The following ZNF804A variants were observed in gnomAD, a reference collection of about 807,000 sequenced individuals.
The protein encoded by ZNF804A is zinc finger protein 804A.
Under a neutral mutation model 16.5 loss-of-function variants are expected in ZNF804A, and 2 were observed. The ratio of observed to expected loss-of-function variants is 0.12; its 90% CI spans 0.05 to 0.38. The LOEUF is 0.38. Ranked by LOEUF, ZNF804A falls within the 10% of genes least tolerant of loss-of-function variation. The probability of loss-of-function intolerance (pLI) is 0.99; values close to 1 mark genes in which losing one functional copy is unlikely to be tolerated. For missense variants in ZNF804A, 1,473 were observed against 1,390.7 expected, an observed-to-expected ratio of 1.06 and a Z score of -0.94; for synonymous variants, 534 against 489.6, an observed-to-expected ratio of 1.09 and a Z score of -1.20.
intron 2 of ZNF804A, among the ~76,000 whole-genome samples, chr2:184,904,185 G>T (rs1685233035): frequency 6.6e-6 from 1 of 151,792 alleles, no homozygotes; most frequent in African/African-American, 2.4e-5. Flanking sequence ...CATGTATAAT[G>T]AAAACTACAA....
chr2:184,756,934 T>A (rs1464543294), intron 1 of ZNF804A, among the ~76,000 whole-genome samples: 2 of 152,064 alleles, frequency 1.3e-5, no homozygotes, highest in East Asian at 3.9e-4. Context: ...TTTATGACTT[T>A]AAAACTTAGC....
intron 1 of ZNF804A, among the ~76,000 whole-genome samples, chr2:184,781,027 C>T (rs2105773651): frequency 6.6e-6 from 1 of 151,792 alleles, no homozygotes; most frequent in South Asian, 2.1e-4. Flanking sequence ...TTTTCCGAGT[C>T]CTTGTGCTTC....
intron 2 of ZNF804A, among the ~76,000 whole-genome samples, chr2:184,930,038 A>G (rs769785494): frequency 4.6e-5 from 7 of 152,102 alleles, no homozygotes; most frequent in Admixed American, 2.6e-4. Context: ...GCCCACATAT[A>G]CACTCATAGA....
intron 1 of ZNF804A, among the ~76,000 whole-genome samples, chr2:184,647,688 G>A (rs928778851): frequency 6.6e-6 from 1 of 152,008 alleles, no homozygotes; most frequent in African/African-American, 2.4e-5. Context: ...GAAAGACAAA[G>A]AAAAAATGTT....
intron 1 of ZNF804A, among the ~76,000 whole-genome samples, chr2:184,816,001 T>C (rs1016632391): frequency 2.6e-5 from 4 of 152,012 alleles, no homozygotes; most frequent in Non-Finnish European, 5.9e-5. Flanking sequence ...AATATACAGG[T>C]ACAGTACATA....
chr2:184,821,012 A>G (rs1695070248), intron 1 of ZNF804A, among the ~76,000 whole-genome samples: 1 of 152,116 alleles, frequency 6.6e-6, no homozygotes, highest in Non-Finnish European at 1.5e-5. Flanking sequence ...TATAGATTAA[A>G]TGCTATTTGT....
chr2:184,915,558 C>T (rs977172021), intron 2 of ZNF804A, among the ~76,000 whole-genome samples: 1 of 152,110 alleles, frequency 6.6e-6, no homozygotes, highest in African/African-American at 2.4e-5. Flanking sequence ...TATGTGAATT[C>T]AATTTGAAAA....
intron 1 of ZNF804A, among the ~76,000 whole-genome samples, chr2:184,678,326 G>A (rs1692474894): frequency 2.0e-5 from 3 of 151,840 alleles, no homozygotes; most frequent in South Asian, 4.2e-4. Context: ...GTGCTATACT[G>A]GTATTTCCAG....
In ZNF804A at chr2:184,937,999, A is replaced by T. The variant is rs1685822329; in HGVS notation, c.2603A>T (p.Asn868Ile). ...CAAGAAGTTGCAAAAATCGAAAGGA[A>T]CTCAGAACAAACAAACCAATTAAGA... ...KPQEVAKIER[N>I]SEQTNQLRNK... The change falls in exon 4 of 4, where the codon AAC becomes ATC. Residue 868 changes from asparagine to isoleucine, a missense_variant. Asn to Ile is a moderately radical substitution (Grantham distance 149). Coordinates refer to ENST00000302277, the MANE Select transcript of ZNF804A (RefSeq NM_194250.2). 1 of 1,614,078 alleles carries T rather than the reference A, an allele frequency of 6.2e-7. No individual in the cohort carries two copies.
intron 1 of ZNF804A, 36 bp from the exon 2 acceptor site, chr2:184,866,333 G>A: frequency 6.2e-7 from 1 of 1,607,146 alleles, no homozygotes; most frequent in South Asian, 1.1e-5. Context: ...ACAGGGGAGA[G>A]CTAATTGTAT....
intron 1 of ZNF804A, among the ~76,000 whole-genome samples, chr2:184,644,675 C>T (rs1691845055): frequency 1.3e-5 from 2 of 151,950 alleles, no homozygotes; most frequent in Non-Finnish European, 2.9e-5. Context: ...GAAGATAAGA[C>T]ACTCTTTCAA....
At chr2:184,630,833 T>C (rs1229011677) in intron 1 of ZNF804A, among the ~76,000 whole-genome samples, 1 of 152,050 alleles carries the variant, frequency 6.6e-6, no homozygotes, top group Non-Finnish European at 1.5e-5. Flanking sequence ...GAAATTCATT[T>C]TTAAACAGAT....
At chr2:184,795,424 G>A (rs1425324968) in intron 1 of ZNF804A, among the ~76,000 whole-genome samples, 2 of 152,076 alleles carry the variant, frequency 1.3e-5, no homozygotes, top group Non-Finnish European at 2.9e-5. Context: ...CAAAGGTGGT[G>A]CTAAGAGGAA....
chr2:184,937,794 A>G lies in ZNF804A; in HGVS notation c.2398A>G (p.Ser800Gly), dbSNP rs776630039. Residue 800 changes from serine (S) to glycine (G), a missense_variant, in exon 4 of 4, where the codon AGT becomes GGT. By Grantham distance (56) the Ser-to-Gly change is moderately conservative. Transcript: ENST00000302277. ...ACCAGAAGAATTTTTGAGGCCACCA[A>G]GTACTTCAGTTGCTCCCTGCAAGCC... The part of the protein sequence containing the change: ...HLPEEFLRPP[S>G]TSVAPCKPKK... 2.5e-6 allele frequency: 4 copies of G among 1,614,126 alleles called. No individual in the cohort carries two copies. In the South Asian group the frequency reaches 4.4e-5, roughly 18 times the overall value.
chr2:184,722,725 A>G (rs1007407587), intron 1 of ZNF804A, among the ~76,000 whole-genome samples: 3 of 152,038 alleles, frequency 2.0e-5, no homozygotes, highest in South Asian at 2.1e-4. Flanking sequence ...CTCTATACTC[A>G]GAATTAAGGT....
intron 1 of ZNF804A, among the ~76,000 whole-genome samples, chr2:184,641,595 T>G (rs1301614007): frequency 6.6e-6 from 1 of 152,184 alleles, no homozygotes; most frequent in Non-Finnish European, 1.5e-5. Flanking sequence ...GAAATTGCAC[T>G]GTTTCATTAT....
intron 1 of ZNF804A, among the ~76,000 whole-genome samples, chr2:184,812,017 A>G (rs1223934875): frequency 6.6e-6 from 1 of 152,210 alleles, no homozygotes; most frequent in Non-Finnish European, 1.5e-5. Context: ...TTTGAGTTGT[A>G]TGACTTACAC....
chr2:184,819,625 G>A (rs1179809613), intron 1 of ZNF804A, among the ~76,000 whole-genome samples: 1 of 151,338 alleles, frequency 6.6e-6, no homozygotes, highest in African/African-American at 2.4e-5. Flanking sequence ...ACCAATGAAT[G>A]GAGGAGCTGT....
At position 184,795,966 on chromosome 2, in the gene ZNF804A, A is replaced by T. The variant is rs561517272; in HGVS notation, c.112-70403A>T. 4.0e-4 allele frequency among the ~76,000 whole-genome samples: 61 copies of T among 152,092 alleles called. 1 individual carries two copies. The highest frequency in any genetic ancestry group is 2.9e-3 in the Admixed American group (45 of 15,286). ...TGTCGAATGCTTTTTTTTTACATCT[A>T]TTGAGATGATCGTGTGATTTGTTTT... On this transcript the variant is annotated intron_variant, in intron 1 of 3. Coordinates refer to ENST00000302277, the MANE Select transcript of ZNF804A (RefSeq NM_194250.2).
Sources: allele counts gnomAD v4.1 joint callset (sites outside exome capture counted in the v4.1 genomes callset), GRCh38; gene constraint gnomAD v4.1.1; transcripts MANE v1.5; gene names NCBI Gene and HGNC (gene_info 2026-07-23, HGNC 2026-07-21).